The following NOL10 variants were observed in gnomAD, a reference collection of about 807,000 sequenced individuals.
NOL10 encodes nucleolar protein 10.
NOL10 carries 58 observed loss-of-function variants against 103.5 expected under a neutral mutation model. The ratio of observed to expected loss-of-function variants is 0.56; its 90% CI spans 0.45 to 0.70. NOL10 has a LOEUF of 0.70. Among genes scored for constraint, NOL10 ranks in the 30% least tolerant of loss-of-function variants. The probability of loss-of-function intolerance (pLI) is 0.00; values close to 1 mark genes in which losing one functional copy is unlikely to be tolerated. For missense variants in NOL10, 763 were observed against 807.3 expected (o/e 0.95, Z 0.67); for synonymous variants, 287 against 282.5 (o/e 1.02, Z -0.16).
chr2:10,625,713 A>G (rs1197371123), intron 13 of NOL10, among the ~76,000 whole-genome samples: 1 of 151,416 alleles, frequency 6.6e-6, no homozygotes, highest in Non-Finnish European at 1.5e-5. Flanking sequence ...CTTTACCTCC[A>G]CCCCACCCCC....
intron 13 of NOL10, among the ~76,000 whole-genome samples, chr2:10,636,261 G>C (rs1678205183): frequency 6.6e-6 from 1 of 151,880 alleles, no homozygotes; most frequent in Non-Finnish European, 1.5e-5. Flanking sequence ...CATATACTCT[G>C]GATAGCTGAT....
intron 3 of NOL10, among the ~76,000 whole-genome samples, chr2:10,681,472 G>A (rs1205671730): frequency 2.0e-5 from 3 of 152,158 alleles, no homozygotes; most frequent in African/African-American, 7.2e-5. Flanking sequence ...ATGGGTGGGA[G>A]AAATTTTCTG....
intron 16 of NOL10, among the ~76,000 whole-genome samples, chr2:10,601,333 G>A (rs1468826936): frequency 2.0e-5 from 3 of 152,124 alleles, no homozygotes; most frequent in Non-Finnish European, 2.9e-5. Context: ...CAAAGTGCTG[G>A]GATTACAGGC....
chr2:10,675,112 AG>A (rs1681213282), intron 4 of NOL10, among the ~76,000 whole-genome samples: 4 of 152,116 alleles, frequency 2.6e-5, no homozygotes, highest in African/African-American at 9.7e-5. Flanking sequence ...CTAAGGTAGG[AG>A]GATCACTTGA....
intron 13 of NOL10, among the ~76,000 whole-genome samples, chr2:10,620,760 T>C (rs116174731): frequency 0.016 from 2,473 of 152,252 alleles, 31 homozygotes; most frequent in Non-Finnish European, 0.026. Flanking sequence ...TGCATGACTG[T>C]GGGAGGGAAG....
At chr2:10,652,177 T>C (rs1572379812) in intron 12 of NOL10, among the ~76,000 whole-genome samples, 2 of 145,886 alleles carry the variant, frequency 1.4e-5, no homozygotes, top group Admixed American at 6.9e-5. Flanking sequence ...GAGGGGGAGG[T>C]TGAAGTGAGC....
At position 10,682,025 on chromosome 2, in the gene NOL10, T is replaced by C; in HGVS notation, c.157A>G (p.Thr53Ala). 1 of 1,535,326 alleles carries C rather than the reference T, an allele frequency of 6.5e-7. No homozygotes were observed. Among genetic ancestry groups the C allele is most frequent in the South Asian group, 1.3e-5 (1 of 75,580 alleles). ...GACACCTTAATAGTGGTACACACAGTAGGCATTTCAAAGTCCTGAATAAGT... is the reference window on the plus strand; with the variant it reads ...GACACCTTAATAGTGGTACACACAGCAGGCATTTCAAAGTCCTGAATAAGT... ...IELIQDFEMP[T>A]VCTTIKVSKD... Residue 53 changes from threonine to alanine, a missense_variant, in exon 3 of 21, where the codon ACT becomes GCT. Transcript: ENST00000381685.
At chr2:10,657,225 C>T (rs899046962) in intron 11 of NOL10, among the ~76,000 whole-genome samples, 6 of 151,584 alleles carry the variant, frequency 4.0e-5, no homozygotes, top group South Asian at 2.1e-4. Context: ...GGCTAAGGCA[C>T]GAGAATTGCT....
At chr2:10,677,871 GTATACACATATATA>G (rs1681431445) in intron 3 of NOL10, among the ~76,000 whole-genome samples, 1 of 145,898 alleles carries the variant, frequency 6.9e-6, no homozygotes. Context: ...GTGTGTGTGT[GTATACACATATATA>G]TGCGTGTGTA....
At chr2:10,614,102 G>A (rs1306887001) in intron 13 of NOL10, among the ~76,000 whole-genome samples, 1 of 151,920 alleles carries the variant, frequency 6.6e-6, no homozygotes, top group Non-Finnish European at 1.5e-5. Flanking sequence ...TGGGACTACA[G>A]GCATGCACTA....
At chr2:10,578,749 T>A (rs759303606) in intron 19 of NOL10, among the ~76,000 whole-genome samples, 9 of 152,234 alleles carry the variant, frequency 5.9e-5, no homozygotes, top group Non-Finnish European at 1.3e-4. Flanking sequence ...TAATGATATA[T>A]ATTTTCAGTA....
At chr2:10,644,145 G>A (rs1169694795) in intron 13 of NOL10, among the ~76,000 whole-genome samples, 175 bp downstream of exon 13, 1 of 152,172 alleles carries the variant, frequency 6.6e-6, no homozygotes, top group African/African-American at 2.4e-5. Context: ...AGCTACAGGA[G>A]GTTGAGGTAG....
chr2:10,653,952 A>AT (rs1311411061), intron 12 of NOL10, among the ~76,000 whole-genome samples: 5 of 151,950 alleles, frequency 3.3e-5, no homozygotes, highest in African/African-American at 1.2e-4. Context: ...AACTATTCTC[A>AT]TTTTTCTCCC....
intron 6 of NOL10, among the ~76,000 whole-genome samples, chr2:10,669,088 T>TTTTTTTTG (rs1388239980): frequency 3.7e-4 from 56 of 151,738 alleles, no homozygotes; most frequent in Non-Finnish European, 7.1e-4. Flanking sequence ...AATTTTTTCT[T>TTTTTTTTG]TTTTTTTGTT....
intron 10 of NOL10, 36 bp downstream of exon 10, chr2:10,659,136 C>G (rs1441280092): frequency 7.1e-7 from 1 of 1,412,308 alleles, no homozygotes. Flanking sequence ...ACTGAAATAC[C>G]AACTTACATG....
Position 10,626,766 on chromosome 2 carries a change from A to G in NOL10, c.1026+17554T>C, listed in dbSNP as rs1462120879. On this transcript the variant is annotated intron_variant, in intron 13 of 20. Transcript: ENST00000381685. Reference sequence around the variant, plus strand: ...ACTAGCATCTGAATAGGAAGTTGTCATTTATTTTCAAGAAAATGGACATGC... The same window carrying G: ...ACTAGCATCTGAATAGGAAGTTGTCGTTTATTTTCAAGAAAATGGACATGC... Among the ~76,000 whole-genome samples the G allele has an allele frequency of 2.0e-5, 3 of 149,188 alleles. No homozygotes were observed. The East Asian group carries it at 5.9e-4, about 29-fold the overall frequency.
At chr2:10,581,851 T>C (rs565542426) in intron 19 of NOL10, among the ~76,000 whole-genome samples, 1 of 152,184 alleles carries the variant, frequency 6.6e-6, no homozygotes, top group South Asian at 2.1e-4. Context: ...GAACCATTCA[T>C]GTTAAAGAAA....
intron 19 of NOL10, among the ~76,000 whole-genome samples, chr2:10,585,956 T>C (rs1311390104): frequency 6.6e-6 from 1 of 152,220 alleles, no homozygotes; most frequent in African/African-American, 2.4e-5. Context: ...ACTACACCGA[T>C]AGATGCTACA....
At chr2:10,575,566 T>G (rs540936545) in intron 20 of NOL10, among the ~76,000 whole-genome samples, 1 of 152,364 alleles carries the variant, frequency 6.6e-6, no homozygotes, top group East Asian at 1.9e-4. Flanking sequence ...TTAATACTTT[T>G]TTTATAAACA....
Sources: allele counts gnomAD v4.1 joint callset (sites outside exome capture counted in the v4.1 genomes callset), GRCh38; gene constraint gnomAD v4.1.1; transcripts MANE v1.5; gene names NCBI Gene and HGNC (gene_info 2026-07-23, HGNC 2026-07-21).